The following IQCK variants were observed in gnomAD, a reference collection of about 807,000 sequenced individuals.
The protein encoded by IQCK is IQ motif containing K.
A neutral mutation model predicts 28.1 loss-of-function variants in IQCK; 29 were observed. The ratio of observed to expected loss-of-function variants is 1.03; its 90% CI spans 0.77 to 1.41. The LOEUF is 1.41. IQCK is among the 40% of genes most tolerant of loss of function. The probability of loss-of-function intolerance (pLI) is 0.00; values close to 1 mark genes in which losing one functional copy is unlikely to be tolerated. For missense variants in IQCK, 359 were observed against 314.7 expected (o/e 1.14, Z -1.07); for synonymous variants, 113 against 115.1 (o/e 0.98, Z 0.12).
chr16:19,763,451 TG>T (rs1302530823), intron 4 of IQCK, among the ~76,000 whole-genome samples: 3 of 151,982 alleles, frequency 2.0e-5, no homozygotes, highest in Non-Finnish European at 2.9e-5. Flanking sequence ...AAGTTTCTTT[TG>T]TTTTTTTTGA....
chr16:19,799,597 TAC>T (rs529119301), intron 7 of IQCK, among the ~76,000 whole-genome samples: 57,922 of 111,194 alleles, frequency 0.52, 15,288 homozygotes, highest in Non-Finnish European at 0.6. Flanking sequence ...TATATATATA[TAC>T]ACACACACAC....
exon 10 of IQCK, chr16:19,856,774 C>T (rs1397107158): frequency 5.7e-6 from 3 of 528,368 alleles, no homozygotes; most frequent in Non-Finnish European, 1.0e-5. Flanking sequence ...ACATTTTATT[C>T]ATTCATCCAG....
At chr16:19,814,218 C>A (rs1248900131) in intron 7 of IQCK, among the ~76,000 whole-genome samples, 1 of 70,738 alleles carries the variant, frequency 1.4e-5, no homozygotes, top group Non-Finnish European at 2.5e-5. Flanking sequence ...AAAACTCTAT[C>A]TCAAAAAAAA....
chr16:19,839,345 G>A lies in IQCK; in HGVS notation c.802+12208G>A, dbSNP rs560516787. Among the ~76,000 whole-genome samples the A allele has an allele frequency of 1.3e-3, 190 of 151,988 alleles. 1 individual carries two copies. The highest frequency in any genetic ancestry group is 4.4e-3 in the African/African-American group (184 of 41,494). On this transcript the variant is annotated intron_variant, in intron 9 of 9. Transcript: ENST00000320394. Reference sequence around the variant, plus strand: ...CCTGCTAATTTTTGTATTTTTAATAGCAATGAGGTTTTACTATGTTGGCCA... The same window carrying A: ...CCTGCTAATTTTTGTATTTTTAATAACAATGAGGTTTTACTATGTTGGCCA...
At chr16:19,727,431 C>CA (rs1463781916) in intron 1 of IQCK, among the ~76,000 whole-genome samples, 1 of 152,076 alleles carries the variant, frequency 6.6e-6, no homozygotes, top group East Asian at 1.9e-4. Flanking sequence ...TACTAAAATA[C>CA]AAAAAATTTG....
At chr16:19,845,035 C>G (rs530904160) in intron 9 of IQCK, among the ~76,000 whole-genome samples, 1 of 152,202 alleles carries the variant, frequency 6.6e-6, no homozygotes, top group Admixed American at 6.5e-5. Context: ...AACTCCTGGG[C>G]TCAAGAGATC....
intron 4 of IQCK, among the ~76,000 whole-genome samples, chr16:19,763,132 C>T (rs2055174362): frequency 6.6e-6 from 1 of 152,116 alleles, no homozygotes. Context: ...ATACTCGAAA[C>T]TTAACTACTA....
chr16:19,777,720 C>G (rs779798533), intron 6 of IQCK, among the ~76,000 whole-genome samples: 1 of 152,110 alleles, frequency 6.6e-6, no homozygotes, highest in Non-Finnish European at 1.5e-5. Flanking sequence ...GTACTGCTTC[C>G]GTTCTTTCTT....
intron 9 of IQCK, among the ~76,000 whole-genome samples, chr16:19,836,463 T>C (rs1407624272): frequency 6.6e-6 from 1 of 152,180 alleles, no homozygotes; most frequent in East Asian, 1.9e-4. Context: ...TGTTCTGAGA[T>C]TAAAAAATAA....
intron 6 of IQCK, among the ~76,000 whole-genome samples, chr16:19,780,341 C>T (rs9928277): frequency 0.18 from 27,362 of 151,974 alleles, 2,551 homozygotes; most frequent in South Asian, 0.27. Flanking sequence ...TGTGCCCAGC[C>T]AAAAATTTAT....
chr16:19,799,593 T>TACAC (rs1555519964), intron 7 of IQCK, among the ~76,000 whole-genome samples: 1 of 103,108 alleles, frequency 9.7e-6, no homozygotes, highest in Non-Finnish European at 1.8e-5. Context: ...TATATATATA[T>TACAC]ATATACACAC....
rs559833708 is a variant in IQCK at position 19,718,557 on chromosome 16, C to T, written c.181+70C>T. On this transcript the variant is annotated intron_variant, in intron 1 of 7. Coordinates refer to ENST00000564186, the Ensembl canonical transcript of IQCK. ...GGACGGGGGCCGCGTTTGGGGAGCG[C>T]CCACTGTGCGCCTGTCGGCTGACGG... 4.3e-6 allele frequency: 6 copies of T among 1,389,100 alleles called. No individual in the cohort carries two copies. The Admixed American group carries it at 9.8e-5, about 23-fold the overall frequency. 86.0% of individuals were successfully genotyped at this position (1,389,100 alleles called of 1,614,324 possible).
intron 6 of IQCK, among the ~76,000 whole-genome samples, chr16:19,779,726 TA>T (rs199985123): frequency 5.3e-5 from 8 of 151,162 alleles, no homozygotes; most frequent in African/African-American, 1.2e-4. Context: ...TTTATTTATT[TA>T]TTTTTTTTGA....
At chr16:19,742,238 G>A (rs1325913579) in intron 4 of IQCK, among the ~76,000 whole-genome samples, 7 of 152,126 alleles carry the variant, frequency 4.6e-5, no homozygotes, top group Non-Finnish European at 1.0e-4. Flanking sequence ...TGCTTCTCAC[G>A]CTTTGCCAGG....
At position 19,732,624 on chromosome 16, in the gene IQCK, C is replaced by A. The variant is rs146930308; in HGVS notation, c.247-1074C>A. Among the ~76,000 whole-genome samples the A allele has an allele frequency of 8.9e-3, 1,360 of 152,256 alleles. 20 individuals carry two copies. Among genetic ancestry groups the A allele is most frequent in the African/African-American group, 0.031 (1,295 of 41,538 alleles). On this transcript the variant is annotated intron_variant, in intron 2 of 7. Transcript: ENST00000564186. ...TACAGGCGTATGCCACCACTGCCAG[C>A]TAATTATTTTTGAATTTTAGTAGAG... is the stretch of plus-strand genomic sequence containing the variant.
intron 7 of IQCK, among the ~76,000 whole-genome samples, chr16:19,813,402 A>G (rs1199886102): frequency 1.3e-5 from 2 of 152,190 alleles, no homozygotes; most frequent in Non-Finnish European, 2.9e-5. Context: ...CTATGCAAAG[A>G]AGAAGCCAGC....
intron 1 of IQCK, among the ~76,000 whole-genome samples, chr16:19,722,958 C>T (rs889559217): frequency 1.5e-4 from 23 of 152,114 alleles, no homozygotes; most frequent in Non-Finnish European, 2.9e-4. Context: ...GTGATCCACC[C>T]GCCTCAGCCT....
At chr16:19,839,275 C>G (rs551529054) in intron 9 of IQCK, among the ~76,000 whole-genome samples, 1 of 151,652 alleles carries the variant, frequency 6.6e-6, no homozygotes, top group Non-Finnish European at 1.5e-5. Context: ...TTCCTCCTGC[C>G]TCAGCCTCCC....
At chr16:19,734,014 TAAAG>T (rs1468357295) in intron 3 of IQCK, 187 bp downstream of exon 3, 3 of 537,770 alleles carry the variant, frequency 5.6e-6, no homozygotes, top group African/African-American at 3.8e-5. Context: ...AAAAATGTAA[TAAAG>T]ATAATAAGTA....
Sources: gnomAD v4.1 joint callset for allele counts (sites outside exome capture counted in the v4.1 genomes callset) on GRCh38, gnomAD v4.1.1 for gene constraint, MANE v1.5 for transcripts, NCBI Gene and HGNC (gene_info 2026-07-23, HGNC 2026-07-21) for gene names.